The following CHAMP1 variants were observed in gnomAD, a reference collection of about 807,000 sequenced individuals.
CHAMP1 encodes chromosome alignment maintaining phosphoprotein 1, also known as chromosome alignment-maintaining phosphoprotein 1.
CHAMP1 carries 4 observed loss-of-function variants against 54.5 expected under a neutral mutation model. The observed-to-expected ratio is 0.07, with a 90% CI of 0.04 to 0.17. The LOEUF is 0.17. CHAMP1 is among the 10% of genes least tolerant of loss of function. The pLI is 1.00. For synonymous variants in CHAMP1, 368 were observed against 342.2 expected (o/e 1.08, Z -0.83); for missense variants, 994 against 968.6 (o/e 1.03, Z -0.35).
intron 1 of CHAMP1, among the ~76,000 whole-genome samples, chr13:114,318,709 T>G (rs12583676): frequency 1.3e-5 from 2 of 152,020 alleles, no homozygotes; most frequent in Non-Finnish European, 2.9e-5. Flanking sequence ...TAAACTGTGT[T>G]AAGCCACAAT....
chr13:114,323,110 C>T (rs1454937617), intron 2 of CHAMP1: 1 of 152,160 alleles, frequency 6.6e-6, no homozygotes, highest in East Asian at 1.9e-4. Flanking sequence ...CACTCTCCAC[C>T]TTATCTTTCC....
intron 1 of CHAMP1, among the ~76,000 whole-genome samples, chr13:114,317,391 C>G (rs181322069): frequency 1.4e-3 from 206 of 151,546 alleles, no homozygotes; most frequent in South Asian, 2.9e-3. Context: ...TTTGAGAGGC[C>G]AAGGCAACAA....
rs1555380000 is a variant in CHAMP1, at chr13:114,326,214, A to G, written c.2372A>G (p.His791Arg). The change falls in exon 3 of 3, where the codon CAT (histidine) becomes CGT (arginine). Residue 791 changes from histidine (H) to arginine (R), a missense_variant. His to Arg is a conservative substitution (Grantham distance 29). This residue lies in a region of CHAMP1 where 59 missense variants were observed against 146.7 expected (regional missense o/e 0.40). Coordinates refer to ENST00000361283, the MANE Select transcript of CHAMP1 (RefSeq NM_032436.4). ...KKHLTHCQSR[H>R]NEEANKKLME... ...CATTTAACTCATTGTCAAAGCCGGC[A>G]TAATGAAGAGGCAAATAAAAAGCTA... is the stretch of plus-strand genomic sequence containing the variant. 3 of 1,601,806 alleles carry G rather than the reference A, an allele frequency of 1.9e-6. No individual in the cohort carries two copies. The highest frequency in any genetic ancestry group is 2.3e-5 in the South Asian group (2 of 88,796).
chr13:114,325,010 T>A lies in CHAMP1; in HGVS notation c.1168T>A (p.Trp390Arg). Residue 390 changes from tryptophan (W) to arginine (R), a missense_variant, in exon 3 of 3, where the codon TGG becomes AGG. Physicochemically the swap from Trp to Arg is moderately radical, Grantham distance 101 (BLOSUM62 -3). This residue lies in a region of CHAMP1 where 851 missense variants were observed against 701.3 expected (regional missense o/e 1.21). Transcript: ENST00000361283. ...WKSPPASPESWKSGPPELRKT... is the reference protein window; with the variant it reads ...WKSPPASPESRKSGPPELRKT... ...GTCTCCCCCTGCATCTCCTGAGTCA[T>A]GGAAGTCTGGCCCACCAGAACTCCG... 1 of 1,614,148 alleles carries A rather than the reference T, an allele frequency of 6.2e-7. No homozygotes were observed. Among genetic ancestry groups the A allele is most frequent in the Non-Finnish European group, 8.5e-7 (1 of 1,180,032 alleles).
chr13:114,321,138 A>G lies in CHAMP1; in HGVS notation c.-150A>G, dbSNP rs2087164970. On this transcript the variant is annotated 5_prime_UTR_variant, in exon 2 of 3. Transcript: ENST00000361283. ...CAACTTCTCATCTTTGTTCTTCTTC[A>G]TATACTATAGGCTGTTTGCTGTGGT... The G allele has an allele frequency of 7.8e-6, 1 of 127,976 alleles. No homozygotes were observed. Among genetic ancestry groups the G allele is most frequent in the Admixed American group, 8.4e-5 (1 of 11,916 alleles). 7.9% of individuals were successfully genotyped at this position (127,976 alleles called of 1,614,324 possible). A position where few individuals can be genotyped will look rare whatever the true frequency, so the allele number is the denominator to read the frequency against.
intron 1 of CHAMP1, among the ~76,000 whole-genome samples, chr13:114,320,773 G>A (rs1363796310): frequency 2.0e-5 from 3 of 152,020 alleles, no homozygotes; most frequent in African/African-American, 4.8e-5. Flanking sequence ...TGGCTAACAC[G>A]GTGAAACCCC....
chr13:114,323,601 T>C (rs2087199527), intron 2 of CHAMP1, 187 bp from the exon 3 acceptor site: 4 of 445,740 alleles, frequency 9.0e-6, no homozygotes, highest in Non-Finnish European at 1.6e-5. Flanking sequence ...AGATGATGTA[T>C]GTGAAACTCC....
chr13:114,320,955 C>CAAAAAAAAAAAAAAAA (rs1233050968), intron 1 of CHAMP1, among the ~76,000 whole-genome samples, 155 bp from the exon 2 acceptor site: 2 of 122,466 alleles, frequency 1.6e-5, no homozygotes, highest in African/African-American at 6.5e-5. Context: ...GACTCTGTCT[C>CAAAAAAAAAAAAAAAA]AAAAAAAAAA....
At position 114,321,113 on chromosome 13, in the gene CHAMP1, C is replaced by G. The variant is rs1250981679; in HGVS notation, c.-175C>G. 8.3e-6 allele frequency: 1 copy of G among 120,350 alleles called. No individual in the cohort carries two copies. The highest frequency in any genetic ancestry group is 1.7e-5 in the Non-Finnish European group (1 of 58,914). 7.5% of individuals were successfully genotyped at this position (120,350 alleles called of 1,614,324 possible). A position where few individuals can be genotyped will look rare whatever the true frequency, so the allele number is the denominator to read the frequency against. On this transcript the variant is annotated 5_prime_UTR_variant, in exon 2 of 3. Coordinates refer to ENST00000361283, the MANE Select transcript of CHAMP1 (RefSeq NM_032436.4). ...TTTTTTTTTTTTTTTTTTCCAGGTT[C>G]AACTTCTCATCTTTGTTCTTCTTCA...
chr13:114,321,383 A>T (rs2087168130), intron 2 of CHAMP1, among the ~76,000 whole-genome samples, 151 bp downstream of exon 2: 2 of 152,092 alleles, frequency 1.3e-5, no homozygotes, highest in African/African-American at 2.4e-5. Flanking sequence ...ATAATTTGGG[A>T]TATGAGAAGT....
chr13:114,315,054 AG>A (rs1423465146), intron 1 of CHAMP1, among the ~76,000 whole-genome samples: 1 of 152,248 alleles, frequency 6.6e-6, no homozygotes, highest in East Asian at 1.9e-4. Context: ...GTTAATGTCT[AG>A]AATACAAGAA....
Position 114,325,400 on chromosome 13 carries a change from T to C in CHAMP1, c.1558T>C (p.Ser520Pro). Residue 520 changes from serine to proline, a missense_variant, in exon 3 of 3, where the codon TCT becomes CCT. By Grantham distance (74) the Ser-to-Pro change is moderately conservative. Around this residue, in one of 3 missense-constraint regions of CHAMP1, gnomAD observed 851 missense variants for 701.3 expected, o/e 1.21. Coordinates refer to ENST00000361283, the MANE Select transcript of CHAMP1 (RefSeq NM_032436.4). ...AASDIWKPVL[S>P]IDTEPRKPAL... ...CTCAGATATCTGGAAGCCTGTTCTC[T>C]CTATCGATACTGAGCCTAGAAAACC... is the stretch of plus-strand genomic sequence containing the variant. The C allele has an allele frequency of 6.2e-7, 1 of 1,614,134 alleles. No homozygotes were observed. Among genetic ancestry groups the C allele is most frequent in the Non-Finnish European group, 8.5e-7 (1 of 1,180,032 alleles).
intron 1 of CHAMP1, among the ~76,000 whole-genome samples, chr13:114,318,858 T>G (rs2087132813): frequency 3.2e-5 from 1 of 30,888 alleles, no homozygotes; most frequent in Non-Finnish European, 5.2e-5. Context: ...CCTGGTTGCC[T>G]TTTTTTTTTT....
intron 1 of CHAMP1, among the ~76,000 whole-genome samples, chr13:114,320,377 T>C (rs578005541): frequency 6.6e-6 from 1 of 152,318 alleles, no homozygotes; most frequent in African/African-American, 2.4e-5. Flanking sequence ...CCTTTCTTTT[T>C]GTGCCTCTTG....
intron 2 of CHAMP1, chr13:114,322,114 C>A (rs540594830): frequency 6.9e-6 from 1 of 144,854 alleles, no homozygotes; most frequent in Non-Finnish European, 1.5e-5. Flanking sequence ...GATCTCAGCT[C>A]TCTGCAACCT....
At chr13:114,317,210 G>T (rs2087109867) in intron 1 of CHAMP1, among the ~76,000 whole-genome samples, 1 of 152,060 alleles carries the variant, frequency 6.6e-6, no homozygotes, top group African/African-American at 2.4e-5. Context: ...TAGAGACAGG[G>T]TTTCACCATG....
At chr13:114,315,842 T>G (rs533788719) in intron 1 of CHAMP1, among the ~76,000 whole-genome samples, 13 of 151,780 alleles carry the variant, frequency 8.6e-5, no homozygotes, top group East Asian at 3.9e-4. Flanking sequence ...TTTGTTTTTT[T>G]TTTTTTTTTT....
In CHAMP1 at chr13:114,325,699, C is replaced by A; in HGVS notation, c.1857C>A (p.Leu619=). The A allele has an allele frequency of 6.2e-7, 1 of 1,613,692 alleles. No individual in the cohort carries two copies. Among genetic ancestry groups the A allele is most frequent in the African/African-American group, 1.3e-5 (1 of 74,906 alleles). The stretch of plus-strand genomic sequence containing the variant: ...CTTTATTTCCTTCCTCAAAGAAGCT[C>A]AAGAAAGACAACCAAGAGAGCTCAG... The part of the protein sequence containing the change: ...EDTLFPSSKK[L]KKDNQESSDA... Residue 619 remains leucine, a synonymous_variant, in exon 3 of 3, where the codon CTC becomes CTA. Transcript: ENST00000361283.
intron 1 of CHAMP1, among the ~76,000 whole-genome samples, chr13:114,316,705 G>A (rs2087103994): frequency 6.6e-6 from 1 of 151,980 alleles, no homozygotes; most frequent in Non-Finnish European, 1.5e-5. Context: ...TGTTAATACA[G>A]GTGAAGTATC....
Sources: allele counts gnomAD v4.1 joint callset (sites outside exome capture counted in the v4.1 genomes callset), GRCh38; gene constraint gnomAD v4.1.1; regional missense constraint gnomAD v4.1.1; transcripts MANE v1.5; gene names NCBI Gene and HGNC (gene_info 2026-07-23, HGNC 2026-07-21).